Variants in PPM1L observed in about 807,000 individuals in gnomAD.
PPM1L encodes the protein protein phosphatase 1L.
In PPM1L, 13 loss-of-function variants were observed where a neutral mutation model predicts 31.4. The observed-to-expected ratio is 0.41, with a 90% confidence interval of 0.27 to 0.66. PPM1L has a LOEUF of 0.66. PPM1L is among the 30% of genes least tolerant of loss of function. PPM1L has a pLI of 0.29. For synonymous variants in PPM1L, 184 were observed against 175.4 expected (o/e 1.05, Z -0.39); for missense variants, 326 against 453.7 (o/e 0.72, Z 2.56).
chr3:160,849,393 C>CTCTTTCTTTCTTTCTTTCTTTCTT (rs540054052), intron 1 of PPM1L, among the ~76,000 whole-genome samples: 12 of 151,338 alleles, frequency 7.9e-5, no homozygotes, highest in African/African-American at 2.7e-4. Flanking sequence ...GACCTGCATT[C>CTCTTTCTTTCTTTCTTTCTTTCTT]TCTTTCTTTC....
chr3:160,794,748 A>G (rs923074976), intron 1 of PPM1L, among the ~76,000 whole-genome samples: 5 of 152,188 alleles, frequency 3.3e-5, no homozygotes, highest in Non-Finnish European at 7.3e-5. Context: ...TGGGCCACAC[A>G]TAAAATACGC....
intron 1 of PPM1L, among the ~76,000 whole-genome samples, chr3:160,791,052 C>G (rs552690277): frequency 6.6e-6 from 1 of 152,262 alleles, no homozygotes; most frequent in South Asian, 2.1e-4. Flanking sequence ...AACATTCTCA[C>G]TGGCTCCCAG....
chr3:161,059,878 A>G (rs1430478442), intron 2 of PPM1L, among the ~76,000 whole-genome samples: 9 of 151,934 alleles, frequency 5.9e-5, no homozygotes, highest in Admixed American at 5.9e-4. Flanking sequence ...GAAGTGCCTC[A>G]TGCCTCCTTT....
rs1553808362 is a variant in PPM1L, at chr3:160,808,416, T to TGTGTGTGTGTGTGTGCGTGC, written c.399+51716_399+51717insTGTGTGTGCGTGCGTGTGTG. 3.2e-3 allele frequency among the ~76,000 whole-genome samples: 418 copies of TGTGTGTGTGTGTGTGCGTGC among 129,300 alleles called. 60 individuals are homozygous for TGTGTGTGTGTGTGTGCGTGC. The highest frequency in any genetic ancestry group is 0.012 in the African/African-American group (369 of 31,216). The allele number at this position is 129,300 out of a possible 152,430, so 84.8% of individuals were successfully genotyped here. A position where few individuals can be genotyped will look rare whatever the true frequency, so the allele number is the denominator to read the frequency against. On this transcript the variant is annotated intron_variant, in intron 1 of 3. Transcript: ENST00000498165. ...GTGTGTGTGTGTGTGTGTGTGTGTG[T>TGTGTGTGTGTGTGTGCGTGC]GTGTGTGGTGGGTGAGGGAAGCTGG...
intron 1 of PPM1L, among the ~76,000 whole-genome samples, chr3:160,875,569 G>T (rs1712478232): frequency 6.6e-6 from 1 of 152,194 alleles, no homozygotes; most frequent in Non-Finnish European, 1.5e-5. Context: ...AGGGGATTTG[G>T]AGAGAGCTTT....
intron 1 of PPM1L, among the ~76,000 whole-genome samples, chr3:160,783,909 C>G (rs1711822427): frequency 6.6e-6 from 1 of 152,054 alleles, no homozygotes; most frequent in Non-Finnish European, 1.5e-5. Context: ...AGAGATGGCT[C>G]TAGTAGTAAG....
chr3:161,032,132 G>A (rs1251793625), intron 2 of PPM1L, among the ~76,000 whole-genome samples: 1 of 152,126 alleles, frequency 6.6e-6, no homozygotes, highest in Non-Finnish European at 1.5e-5. Flanking sequence ...TAACCAAAGG[G>A]CTAAAGAGAT....
chr3:160,927,837 G>C (rs1469284625), intron 1 of PPM1L, among the ~76,000 whole-genome samples: 1 of 152,086 alleles, frequency 6.6e-6, no homozygotes, highest in East Asian at 1.9e-4. Flanking sequence ...TAGTATTAGG[G>C]CTCCTAGATG....
chr3:161,049,220 A>G (rs748923809), intron 2 of PPM1L, among the ~76,000 whole-genome samples: 9 of 151,512 alleles, frequency 5.9e-5, no homozygotes, highest in Admixed American at 2.6e-4. Context: ...CGAGGCTGCA[A>G]TGAGCCAGGA....
In PPM1L at chr3:160,865,279, A is replaced by G. The variant is rs545281168; in HGVS notation, c.400-96457A>G. On this transcript the variant is annotated intron_variant, in intron 1 of 3. Coordinates refer to ENST00000498165, the MANE Select transcript of PPM1L (RefSeq NM_139245.4). ...GAAATATGCAAATAAGGCAAATATA[A>G]ACATGTTCATCAAATCCTAGAAACA... 3.3e-5 allele frequency among the ~76,000 whole-genome samples: 5 copies of G among 152,346 alleles called. No individual in the cohort carries two copies. The East Asian group carries it at 9.6e-4, about 29-fold the overall frequency.
At chr3:161,060,849 A>G (rs1242535440) in intron 2 of PPM1L, among the ~76,000 whole-genome samples, 1 of 151,956 alleles carries the variant, frequency 6.6e-6, no homozygotes, top group Admixed American at 6.6e-5. Context: ...GTTAATATGG[A>G]AATATCCTGA....
Position 160,979,557 on chromosome 3 carries a change from T to C in PPM1L, c.574+17647T>C, listed in dbSNP as rs555823708. 9.9e-4 allele frequency among the ~76,000 whole-genome samples: 150 copies of C among 152,206 alleles called. 3 individuals are homozygous for C. Among genetic ancestry groups the C allele is most frequent in the Non-Finnish European group, 1.6e-3 (109 of 67,998 alleles). ...ACATCAATATTCTAGCAAAATGATG[T>C]TGAATGAAATAACATTATTCAATGA... On this transcript the variant is annotated intron_variant, in intron 2 of 3. Transcript: ENST00000498165.
At chr3:160,782,377 G>A (rs1711774247) in intron 1 of PPM1L, among the ~76,000 whole-genome samples, 3 of 152,178 alleles carry the variant, frequency 2.0e-5, no homozygotes, top group South Asian at 2.1e-4. Context: ...AAATGACAGT[G>A]TGTTACTCAC....
chr3:161,066,391 TAGTAAA>T (rs1719740732), intron 3 of PPM1L, among the ~76,000 whole-genome samples: 1 of 151,806 alleles, frequency 6.6e-6, no homozygotes, highest in Non-Finnish European at 1.5e-5. Flanking sequence ...CAAAAAAAAA[TAGTAAA>T]AGTAAGTCAT....
At chr3:160,893,831 T>C (rs1273667335) in intron 1 of PPM1L, among the ~76,000 whole-genome samples, 2 of 152,216 alleles carry the variant, frequency 1.3e-5, no homozygotes, top group Non-Finnish European at 2.9e-5. Flanking sequence ...ATTTTTCTAC[T>C]TTGTGGTGGT....
intron 1 of PPM1L, among the ~76,000 whole-genome samples, chr3:160,918,045 C>T (rs1252214983): frequency 5.9e-5 from 9 of 152,188 alleles, no homozygotes; most frequent in African/African-American, 2.2e-4. Flanking sequence ...CACACTTGCA[C>T]GCGAATCCTT....
intron 2 of PPM1L, among the ~76,000 whole-genome samples, chr3:161,048,942 A>AG (rs1486965556): frequency 6.1e-5 from 4 of 65,156 alleles, no homozygotes; most frequent in African/African-American, 1.9e-4. Context: ...GGGTGGGGGG[A>AG]GGGGGGAGGG....
intron 1 of PPM1L, among the ~76,000 whole-genome samples, chr3:160,944,944 AAC>A (rs1715327856): frequency 1.7e-5 from 1 of 59,502 alleles, no homozygotes; most frequent in African/African-American, 6.4e-5. Flanking sequence ...TATTATATAT[AAC>A]TATATATAAC....
chr3:160,955,023 T>C (rs1378092905), intron 1 of PPM1L, among the ~76,000 whole-genome samples: 2 of 150,360 alleles, frequency 1.3e-5, no homozygotes, highest in Non-Finnish European at 3.0e-5. Flanking sequence ...CTCTCTTTCT[T>C]CTTTTTTTGA....
Sources: gnomAD v4.1 joint callset for allele counts (sites outside exome capture counted in the v4.1 genomes callset) on GRCh38, gnomAD v4.1.1 for gene constraint, MANE v1.5 for transcripts, NCBI Gene and HGNC (gene_info 2026-07-23, HGNC 2026-07-21) for gene names.